The following SERPINB7 variants were observed in gnomAD, a reference collection of about 807,000 sequenced individuals.
The protein encoded by SERPINB7 is serpin B7.
A neutral mutation model predicts 37.4 loss-of-function variants in SERPINB7; 31 were observed. The observed-to-expected ratio is 0.83, with a 90% CI of 0.62 to 1.12. SERPINB7 has a LOEUF of 1.12. Ranked by LOEUF, SERPINB7 falls within the 50% of genes most tolerant of loss-of-function variation. The probability of loss-of-function intolerance (pLI) is 0.00; values close to 1 mark genes in which losing one functional copy is unlikely to be tolerated. For synonymous variants in SERPINB7, 163 were observed against 166.1 expected (o/e 0.98, Z 0.14); for missense variants, 521 against 455.3 (o/e 1.14, Z -1.31).
chr18:63,767,261 G>C (rs973554929), intron 1 of SERPINB7, among the ~76,000 whole-genome samples: 1 of 152,122 alleles, frequency 6.6e-6, no homozygotes, highest in Non-Finnish European at 1.5e-5. Flanking sequence ...GCTTCTCCTG[G>C]ATTTCACTCT....
At chr18:63,760,206 G>A (rs2049145407) in intron 1 of SERPINB7, among the ~76,000 whole-genome samples, 1 of 152,166 alleles carries the variant, frequency 6.6e-6, no homozygotes, top group African/African-American at 2.4e-5. Flanking sequence ...GGAACTTGTT[G>A]GGAACTGGAG....
rs1335407508 is a variant in SERPINB7 at position 63,782,641 on chromosome 18, C to T, written c.168+101C>T. The T allele has an allele frequency of 6.3e-6, 7 of 1,106,452 alleles. No individual in the cohort carries two copies. In the African/African-American group the frequency reaches 1.1e-4, roughly 17 times the overall value. The allele number at this position is 1,106,452 out of a possible 1,614,324, so 68.5% of individuals were successfully genotyped here. On this transcript the variant is annotated intron_variant, in intron 2 of 7. Transcript: ENST00000398019. ...CATGTTAATGGAGGTCATCATGAGGCACAAGGTGTCACATCTTCACACATC... is the reference window on the plus strand; with the variant it reads ...CATGTTAATGGAGGTCATCATGAGGTACAAGGTGTCACATCTTCACACATC...
upstream of SERPINB7, among the ~76,000 whole-genome samples, chr18:63,771,540 A>G (rs1475985381): frequency 1.3e-5 from 2 of 152,112 alleles, no homozygotes; most frequent in East Asian, 3.9e-4. Context: ...TATGTTTCAC[A>G]TACACAGAAC....
intron 1 of SERPINB7, among the ~76,000 whole-genome samples, chr18:63,769,859 A>T (rs1317589374): frequency 1.3e-5 from 2 of 151,660 alleles, no homozygotes; most frequent in African/African-American, 4.8e-5. Flanking sequence ...CTTCTTTATG[A>T]TTGTCCTCAA....
chr18:63,781,818 G>A (rs1599003168), intron 1 of SERPINB7, among the ~76,000 whole-genome samples: 1 of 151,868 alleles, frequency 6.6e-6, no homozygotes, highest in East Asian at 1.9e-4. Context: ...TGCACTTATG[G>A]GACCAATGAT....
chr18:63,758,300 C>T lies in SERPINB7; in HGVS notation c.-19+5180C>T, dbSNP rs542118804. Among the ~76,000 whole-genome samples the T allele has an allele frequency of 3.0e-3, 461 of 152,300 alleles. 1 individual carries two copies. The highest frequency in any genetic ancestry group is 0.011 in the African/African-American group (449 of 41,564). ...AATTATGGCCAGAAGCAGACATCAA[C>T]AACAGCAATGGAACAGATATCTTTT... On this transcript the variant is annotated intron_variant, in intron 1 of 7. Coordinates refer to the SERPINB7 transcript ENST00000336429.
At chr18:63,800,750 C>T in intron 6 of SERPINB7, 116 bp from the exon 7 acceptor site, 1 of 1,088,948 alleles carries the variant, frequency 9.2e-7, no homozygotes, top group Non-Finnish European at 1.3e-6. Context: ...AGGAAAAAAT[C>T]TGCAGGGTCA....
chr18:63,798,478 TCTTAATA>T, intron 5 of SERPINB7, 119 bp from the exon 6 acceptor site: 2 of 692,328 alleles, frequency 2.9e-6, no homozygotes, highest in Non-Finnish European at 4.6e-6. Context: ...CATAGGTTAT[TCTTAATA>T]TTCTTATTGG....
At position 63,793,237 on chromosome 18, in the gene SERPINB7, T is replaced by C. The variant is rs1467419571; in HGVS notation, c.296T>C (p.Val99Ala). 7 of 1,607,572 alleles carry C rather than the reference T, an allele frequency of 4.4e-6. No homozygotes were observed. The highest frequency in any genetic ancestry group is 6.0e-6 in the Non-Finnish European group (7 of 1,176,304). ...CACAAGGATTATGATCTCAGCATTG[T>C]GAATGGGCTTTTTGCTGAAAAAGTG... The part of the protein sequence containing the change: ...ASHKDYDLSI[V>A]NGLFAEKVYG... The change falls in exon 4 of 8, where the codon GTG becomes GCG. Residue 99 changes from valine (V) to alanine (A), a missense_variant. Coordinates refer to ENST00000398019, the MANE Select transcript of SERPINB7 (RefSeq NM_003784.4).
intron 1 of SERPINB7, among the ~76,000 whole-genome samples, chr18:63,767,332 A>G (rs1399413823): frequency 6.6e-6 from 1 of 152,134 alleles, no homozygotes; most frequent in Non-Finnish European, 1.5e-5. Flanking sequence ...AAATAAATGT[A>G]TTTATTCAGG....
chr18:63,794,557 G>A lies in SERPINB7; in HGVS notation c.336+1280G>A, dbSNP rs539543114. 5.9e-5 allele frequency among the ~76,000 whole-genome samples: 9 copies of A among 152,224 alleles called. No individual in the cohort carries two copies. The East Asian group carries it at 1.4e-3, about 23-fold the overall frequency. On this transcript the variant is annotated intron_variant, in intron 4 of 7. Transcript: ENST00000398019. ...TACAAAAAATTAGCCGGGCGCGGTG[G>A]CAGGCGCCTGTAGTCCCAGCTACTC...
chr18:63,799,588 T>C lies in SERPINB7; in HGVS notation c.597+842T>C, dbSNP rs190545534. Reference sequence around the variant, plus strand: ...GATATCAATGTTAGTTCTATCATATTAAAAATTGGTGACATAATCTCTCCA... The same window carrying C: ...GATATCAATGTTAGTTCTATCATATCAAAAATTGGTGACATAATCTCTCCA... On this transcript the variant is annotated intron_variant, in intron 6 of 7. Coordinates refer to ENST00000398019, the MANE Select transcript of SERPINB7 (RefSeq NM_003784.4). Among the ~76,000 whole-genome samples the C allele has an allele frequency of 5.9e-5, 9 of 152,288 alleles. No individual in the cohort carries two copies. The East Asian group carries it at 1.7e-3, about 29-fold the overall frequency.
chr18:63,804,310 A>C lies in SERPINB7; in HGVS notation c.818A>C (p.Glu273Ala), dbSNP rs1397539365. ...NPRRMTSKYVEVFFPQFKIEK... is the reference protein window; with the variant it reads ...NPRRMTSKYVAVFFPQFKIEK... Reference sequence around the variant, plus strand: ...AGGCGAATGACCTCTAAGTATGTTGAGGTATTTTTTCCTCAGTTCAAGATA... The same window carrying C: ...AGGCGAATGACCTCTAAGTATGTTGCGGTATTTTTTCCTCAGTTCAAGATA... Residue 273 changes from glutamate to alanine, a missense_variant, in exon 8 of 8, where the codon GAG becomes GCG. Transcript: ENST00000398019. The C allele has an allele frequency of 6.2e-7, 1 of 1,612,476 alleles. No individual in the cohort carries two copies. Among genetic ancestry groups the C allele is most frequent in the Non-Finnish European group, 8.5e-7 (1 of 1,179,236 alleles).
At chr18:63,761,636 T>A (rs1258361734) in intron 1 of SERPINB7, among the ~76,000 whole-genome samples, 2 of 152,144 alleles carry the variant, frequency 1.3e-5, no homozygotes, top group Non-Finnish European at 2.9e-5. Context: ...GGAGAGGCAA[T>A]TGAATCATGG....
At chr18:63,777,211 A>ATG (rs1208192528) in intron 1 of SERPINB7, among the ~76,000 whole-genome samples, 1 of 151,950 alleles carries the variant, frequency 6.6e-6, no homozygotes, top group Admixed American at 6.6e-5. Context: ...ACATATATAT[A>ATG]TGTGTGTGTG....
At chr18:63,794,151 G>A (rs923319556) in intron 4 of SERPINB7, among the ~76,000 whole-genome samples, 9 of 137,506 alleles carry the variant, frequency 6.5e-5, no homozygotes, top group Non-Finnish European at 1.2e-4. Flanking sequence ...TAGTAGAGAC[G>A]GGGATTTGCT....
At position 63,775,455 on chromosome 18, in the gene SERPINB7, C is replaced by T. The variant is rs2049238081; in HGVS notation, c.-280C>T. 1 of 152,124 alleles carries T rather than the reference C, an allele frequency of 6.6e-6. No individual in the cohort carries two copies. The highest frequency in any genetic ancestry group is 1.5e-5 in the Non-Finnish European group (1 of 68,012). 9.4% of individuals were successfully genotyped at this position (152,124 alleles called of 1,614,324 possible). On this transcript the variant is annotated 5_prime_UTR_variant, in exon 1 of 8. Coordinates refer to ENST00000398019, the MANE Select transcript of SERPINB7 (RefSeq NM_003784.4). ...CTGCCTGTGCAGAGTGCAGGCTGCA[C>T]CTTTGGACAGCCTTTAAAACTGAAT...
At chr18:63,765,513 C>G (rs1192767253) in intron 1 of SERPINB7, among the ~76,000 whole-genome samples, 2 of 152,148 alleles carry the variant, frequency 1.3e-5, no homozygotes, top group African/African-American at 4.8e-5. Flanking sequence ...TAAGCCATCT[C>G]TTGCTTAAAA....
intron 4 of SERPINB7, among the ~76,000 whole-genome samples, chr18:63,794,717 A>C (rs1371702969): frequency 7.5e-6 from 1 of 134,046 alleles, no homozygotes; most frequent in Non-Finnish European, 1.6e-5. Flanking sequence ...TAAACAAAAA[A>C]ACAAAAAAAA....
Sources: allele counts gnomAD v4.1 joint callset (sites outside exome capture counted in the v4.1 genomes callset), GRCh38; gene constraint gnomAD v4.1.1; transcripts MANE v1.5; gene names NCBI Gene and HGNC (gene_info 2026-07-23, HGNC 2026-07-21).